ECPAS: variants seen among roughly 807,000 people sequenced by gnomAD.
The protein encoded by ECPAS is Ecm29 proteasome adaptor and scaffold.
ECPAS carries 70 observed loss-of-function variants against 255.1 expected under a neutral mutation model. That is an observed-to-expected ratio of 0.27 (90% CI 0.23 to 0.33). The LOEUF (loss-of-function observed/expected upper bound fraction) is 0.33. Ranked by LOEUF, ECPAS falls within the 10% of genes least tolerant of loss-of-function variation. The pLI is 1.00. For synonymous variants in ECPAS, 784 were observed against 775.0 expected (o/e 1.01, Z -0.19); for missense variants, 1,817 against 2,206.4 (o/e 0.82, Z 3.54).
At chr9:111,471,374 T>C (rs567155263) in intron 2 of ECPAS, among the ~76,000 whole-genome samples, 1 of 152,348 alleles carries the variant, frequency 6.6e-6, no homozygotes, top group South Asian at 2.1e-4. Flanking sequence ...CCAAAATTTA[T>C]TTTAAAGTTG....
chr9:111,435,063 TA>T (rs572786660), intron 7 of ECPAS, among the ~76,000 whole-genome samples: 117 of 151,854 alleles, frequency 7.7e-4, no homozygotes, highest in African/African-American at 2.8e-3. Context: ...CACGCCCAGC[TA>T]ATTTTTCTAT....
intron 2 of ECPAS, among the ~76,000 whole-genome samples, chr9:111,465,600 AAT>A (rs60965961): frequency 0.3 from 44,907 of 148,818 alleles, 8,173 homozygotes; most frequent in African/African-American, 0.5. Context: ...TTTTTAAAAG[AAT>A]ATATATATAT....
In ECPAS at chr9:111,378,694, T is replaced by G; in HGVS notation, c.3840A>C (p.Gly1280=). The change falls in exon 36 of 50, where the codon GGA becomes GGC. Residue 1280 remains glycine (G), a synonymous_variant. Coordinates refer to ENST00000684092, the MANE Select transcript of ECPAS (RefSeq NM_001364929.1). The part of the protein sequence containing the change: ...NTLVKISKSA[G]AMLKPHAPKL... ...TTGGTGCATGCGGTTTCAACATGGC[T>G]CCTGCACTTTTGCTGATCTTCACAA... is the stretch of plus-strand genomic sequence containing the variant. 6.2e-7 allele frequency: 1 copy of G among 1,613,726 alleles called. No individual in the cohort carries two copies. Among genetic ancestry groups the G allele is most frequent in the South Asian group, 1.1e-5 (1 of 91,056 alleles).
intron 10 of ECPAS, among the ~76,000 whole-genome samples, chr9:111,426,776 G>A (rs1480701962): frequency 6.6e-6 from 1 of 151,844 alleles, no homozygotes; most frequent in Non-Finnish European, 1.5e-5. Flanking sequence ...AGACCAGCCT[G>A]GGCAACATAG....
rs1400063062 is a variant in ECPAS at position 111,375,030 on chromosome 9, G to A, written c.4110+83C>T. ...AATATTAGATTTTGTGGTAAAACATGAATTTCAAACATGATGGCTGTTATA... is the reference window on the plus strand; with the variant it reads ...AATATTAGATTTTGTGGTAAAACATAAATTTCAAACATGATGGCTGTTATA... On this transcript the variant is annotated intron_variant, in intron 38 of 49. Transcript: ENST00000684092. 8 of 1,009,314 alleles carry A rather than the reference G, an allele frequency of 7.9e-6. No homozygotes were observed. In the East Asian group the frequency reaches 1.2e-4, roughly 15 times the overall value. The allele number at this position is 1,009,314 out of a possible 1,614,324, so 62.5% of individuals were successfully genotyped here. A position where few individuals can be genotyped will look rare whatever the true frequency, so the allele number is the denominator to read the frequency against.
intron 25 of ECPAS, among the ~76,000 whole-genome samples, chr9:111,396,827 C>G (rs1410419664): frequency 6.6e-6 from 1 of 152,206 alleles, no homozygotes; most frequent in Non-Finnish European, 1.5e-5. Context: ...GCTGGGATTA[C>G]AGGCACTCAT....
intron 10 of ECPAS, among the ~76,000 whole-genome samples, chr9:111,427,122 G>A (rs1206413880): frequency 2.7e-5 from 4 of 149,134 alleles, no homozygotes; most frequent in African/African-American, 9.9e-5. Flanking sequence ...TTGTGCCACT[G>A]CACTCCAGCC....
At chr9:111,380,879 A>C (rs2098139755) in intron 35 of ECPAS, among the ~76,000 whole-genome samples, 1 of 152,152 alleles carries the variant, frequency 6.6e-6, no homozygotes, top group Non-Finnish European at 1.5e-5. Context: ...CTTCTCTTAG[A>C]CTTCACAGAA....
At chr9:111,460,435 T>C (rs2098271817) in intron 2 of ECPAS, among the ~76,000 whole-genome samples, 2 of 152,208 alleles carry the variant, frequency 1.3e-5, no homozygotes, top group Admixed American at 1.3e-4. Flanking sequence ...AAGGTAAAGA[T>C]GTTCACTATT....
At position 111,440,454 on chromosome 9, in the gene ECPAS, A is replaced by C. The variant is rs1195842901; in HGVS notation, c.457T>G (p.Ser153Ala). ...GGTTTCTCAGCAAGATTAAATGGAG[A>C]AGCTGATTTTGATGATTCAACAGGG... Reference protein sequence around the residue: ...KYPVESSKSASPFNLAEKPKT... With the variant: ...KYPVESSKSAAPFNLAEKPKT... Residue 153 changes from serine to alanine, a missense_variant, in exon 6 of 50, where the codon TCT (serine) becomes GCT (alanine). Physicochemically the swap from Ser to Ala is moderately conservative, Grantham distance 99. Transcript: ENST00000684092. The C allele has an allele frequency of 9.3e-6, 15 of 1,613,302 alleles. No individual in the cohort carries two copies. Among genetic ancestry groups the C allele is most frequent in the Non-Finnish European group, 1.3e-5 (15 of 1,179,506 alleles).
intron 25 of ECPAS, among the ~76,000 whole-genome samples, chr9:111,396,150 G>C (rs578052304): frequency 6.6e-5 from 10 of 152,250 alleles, no homozygotes; most frequent in Middle Eastern, 3.4e-3. Flanking sequence ...CCTCACTTGA[G>C]AGGATAAAAT....
At chr9:111,393,461 C>T (rs540407755) in intron 27 of ECPAS, among the ~76,000 whole-genome samples, 1 of 152,214 alleles carries the variant, frequency 6.6e-6, no homozygotes, top group South Asian at 2.1e-4. Flanking sequence ...ATGTATAAAC[C>T]AATAAATGAG....
rs746692214 is a variant in ECPAS at position 111,422,043 on chromosome 9, C to G, written c.1333G>C (p.Glu445Gln). 6.2e-7 allele frequency: 1 copy of G among 1,613,654 alleles called. No individual in the cohort carries two copies. Among genetic ancestry groups the G allele is most frequent in the South Asian group, 1.1e-5 (1 of 91,048 alleles). The change falls in exon 15 of 50, where the codon GAA (glutamate) becomes CAA (glutamine). Residue 445 changes from glutamate to glutamine, a missense_variant and splice_region_variant. This residue lies in a region of ECPAS where 573 missense variants were observed against 716.2 expected (regional missense o/e 0.80). Transcript: ENST00000684092. ...VQQLFEALCK[E>Q]EPETRLAIQE... Reference sequence around the variant, plus strand: ...ATAGCAAGTCGAGTCTCAGGCTCTTCCTATAAAGATGATAAAAATGTTTCC... The same window carrying G: ...ATAGCAAGTCGAGTCTCAGGCTCTTGCTATAAAGATGATAAAAATGTTTCC...
chr9:111,444,317 T>C (rs889989693), intron 4 of ECPAS, 61 bp downstream of exon 4: 21 of 1,119,150 alleles, frequency 1.9e-5, no homozygotes, highest in Non-Finnish European at 2.7e-5. Flanking sequence ...TGATGACATC[T>C]AATAAATGTT....
chr9:111,404,737 C>G (rs139779256), intron 24 of ECPAS, among the ~76,000 whole-genome samples: 1 of 136,630 alleles, frequency 7.3e-6, no homozygotes, highest in Non-Finnish European at 1.5e-5. Flanking sequence ...TATAGCAGTG[C>G]GAGAACAGAC....
intron 1 of ECPAS, among the ~76,000 whole-genome samples, chr9:111,480,880 C>T (rs2098303799): frequency 6.6e-6 from 1 of 152,144 alleles, no homozygotes; most frequent in African/African-American, 2.4e-5. Flanking sequence ...CCAGGAAATC[C>T]CTTAACTATC....
rs3837272 is a variant in ECPAS at position 111,362,176 on chromosome 9, G to GAAAAAAAAAAAAAAAAAAAAAA, written c.5381-8_5381-7insTTTTTTTTTTTTTTTTTTTTTT. 3 of 1,188,696 alleles carry GAAAAAAAAAAAAAAAAAAAAAA rather than the reference G, an allele frequency of 2.5e-6. No homozygotes were observed. Among genetic ancestry groups the GAAAAAAAAAAAAAAAAAAAAAA allele is most frequent in the African/African-American group, 1.8e-5 (1 of 54,832 alleles). The allele number at this position is 1,188,696 out of a possible 1,614,324, so 73.6% of individuals were successfully genotyped here. A position where few individuals can be genotyped will look rare whatever the true frequency, so the allele number is the denominator to read the frequency against. On this transcript the variant is annotated splice_region_variant and splice_polypyrimidine_tract_variant and intron_variant, in intron 49 of 49. Transcript: ENST00000684092. The stretch of plus-strand genomic sequence containing the variant: ...CATTCCCACTGTTTAGATTCTGCAT[G>GAAAAAAAAAAAAAAAAAAAAAA]AAAAAAAAAAAACAAAAACAAAAAA...
At chr9:111,399,406 C>G (rs1176708124) in intron 24 of ECPAS, among the ~76,000 whole-genome samples, 1 of 152,214 alleles carries the variant, frequency 6.6e-6, no homozygotes, top group African/African-American at 2.4e-5. Context: ...CCAGGCAGCA[C>G]AGCTTGGAAA....
chr9:111,394,279 A>C lies in ECPAS; in HGVS notation c.2803T>G (p.Trp935Gly). The change falls in exon 26 of 50, where the codon TGG (tryptophan) becomes GGG (glycine). Residue 935 changes from tryptophan (W) to glycine (G), a missense_variant. Coordinates refer to ENST00000684092, the MANE Select transcript of ECPAS (RefSeq NM_001364929.1). Reference protein sequence around the residue: ...AGAKVNDVVPWVLDVILNKHI... With the variant: ...AGAKVNDVVPGVLDVILNKHI... ...TTATTTAAAATCACATCCAACACCC[A>C]TGGAACCACATCATTCACTTTGGCT... 6.4e-7 allele frequency: 1 copy of C among 1,570,136 alleles called. No homozygotes were observed. Among genetic ancestry groups the C allele is most frequent in the Non-Finnish European group, 8.6e-7 (1 of 1,157,940 alleles).
Sources: allele counts gnomAD v4.1 joint callset (sites outside exome capture counted in the v4.1 genomes callset), GRCh38; gene constraint gnomAD v4.1.1; regional missense constraint gnomAD v4.1.1; transcripts MANE v1.5; gene names NCBI Gene and HGNC (gene_info 2026-07-23, HGNC 2026-07-21).